SNX8: variants seen among roughly 807,000 people sequenced by gnomAD.
SNX8 encodes sorting nexin-8.
In SNX8, 25 loss-of-function variants were observed where a neutral mutation model predicts 51.6. The ratio of observed to expected loss-of-function variants is 0.48; its 90% CI spans 0.35 to 0.68. The LOEUF is 0.68. Ranked by LOEUF, SNX8 falls within the 30% of genes least tolerant of loss-of-function variation. SNX8 has a pLI of 0.00. For missense variants in SNX8, 695 were observed against 624.0 expected, an observed-to-expected ratio of 1.11 and a Z score of -1.21; for synonymous variants, 324 against 277.0, an observed-to-expected ratio of 1.17 and a Z score of -1.68.
intron 1 of SNX8, among the ~76,000 whole-genome samples, chr7:2,331,957 G>C (rs1203118356): frequency 6.6e-6 from 1 of 151,952 alleles, no homozygotes; most frequent in Admixed American, 6.6e-5. Context: ...TGCAATCCCA[G>C]CACTTTGAGA....
chr7:2,286,866 C>T (rs1191948448), intron 1 of SNX8, among the ~76,000 whole-genome samples: 1 of 151,930 alleles, frequency 6.6e-6, no homozygotes, highest in Non-Finnish European at 1.5e-5. Context: ...TTTGGCCAGG[C>T]GAGGTGGCTC....
At chr7:2,343,172 C>T (rs188304084) in intron 1 of SNX8, among the ~76,000 whole-genome samples, 1 of 151,914 alleles carries the variant, frequency 6.6e-6, no homozygotes, top group Non-Finnish European at 1.5e-5. Context: ...CTCAAATAAT[C>T]CACCCACCTT....
At chr7:2,267,325 C>A (rs1795490441) in intron 5 of SNX8, among the ~76,000 whole-genome samples, 1 of 142,846 alleles carries the variant, frequency 7.0e-6, no homozygotes, top group Non-Finnish European at 1.5e-5. Flanking sequence ...TCCCCCTCCC[C>A]CTCCCCCTCT....
rs751568982 is a variant in SNX8, at chr7:2,264,288, G to A, written c.782+10C>T. ...GCGCGTGCCCCTGCAGAAGCTGAAA[G>A]GTCACCTACCTTAGCTCCTTCCCGA... On this transcript the variant is annotated intron_variant, in intron 6 of 10. Coordinates refer to ENST00000222990, the MANE Select transcript of SNX8 (RefSeq NM_013321.4). The A allele has an allele frequency of 6.2e-7, 1 of 1,603,266 alleles. No homozygotes were observed.
chr7:2,316,944 A>C (rs541998378), upstream of SNX8, among the ~76,000 whole-genome samples: 1 of 152,346 alleles, frequency 6.6e-6, no homozygotes, highest in South Asian at 2.1e-4. Flanking sequence ...GAGGAGGCAC[A>C]GATGGCCAGA....
At chr7:2,349,435 TTTTAA>T (rs775938249) in intron 1 of SNX8, among the ~76,000 whole-genome samples, 6 of 151,962 alleles carry the variant, frequency 3.9e-5, no homozygotes, top group East Asian at 1.9e-4. Flanking sequence ...CCCCCTATAT[TTTTAA>T]TTTAACTTTT....
chr7:2,309,806 T>C (rs993100532), intron 1 of SNX8: 19 of 470,624 alleles, frequency 4.0e-5, no homozygotes, highest in Middle Eastern at 3.2e-4. Flanking sequence ...AGAACAGACC[T>C]GACATGAGCG....
chr7:2,267,010 CG>C (rs1795479533), intron 5 of SNX8, among the ~76,000 whole-genome samples: 1 of 152,204 alleles, frequency 6.6e-6, no homozygotes, highest in Non-Finnish European at 1.5e-5. Context: ...GCAGAGGGCA[CG>C]AGGTGCCTGG....
chr7:2,269,807 G>A (rs958489795), intron 4 of SNX8, among the ~76,000 whole-genome samples, 168 bp from the exon 5 acceptor site: 3 of 152,114 alleles, frequency 2.0e-5, no homozygotes, highest in African/African-American at 7.2e-5. Flanking sequence ...TCCCTTAGAT[G>A]TTTTTCTCAC....
At chr7:2,315,435 C>T (rs1796738319), upstream of SNX8, among the ~76,000 whole-genome samples, 1 of 150,762 alleles carries the variant, frequency 6.6e-6, no homozygotes, top group African/African-American at 2.4e-5. Context: ...CATTCATCCA[C>T]CCACTCACTC....
chr7:2,323,494 A>T (rs12670380), intron 1 of SNX8, among the ~76,000 whole-genome samples: 4 of 151,934 alleles, frequency 2.6e-5, no homozygotes, highest in Admixed American at 6.6e-5. Flanking sequence ...AAAGTCACAA[A>T]GGGGTTCATG....
In SNX8 at chr7:2,314,438, A is replaced by G; in HGVS notation, c.-17T>C. The G allele has an allele frequency of 8.3e-7, 1 of 1,210,116 alleles. No individual in the cohort carries two copies. Among genetic ancestry groups the G allele is most frequent in the Non-Finnish European group, 1.0e-6 (1 of 973,956 alleles). The allele number at this position is 1,210,116 out of a possible 1,614,324, so 75.0% of individuals were successfully genotyped here. ...GCCAGTCATGTGAGCCCGCGCTCCCACGTGACTTCCTCCCGCGCCACCCGG... is the reference window on the plus strand; with the variant it reads ...GCCAGTCATGTGAGCCCGCGCTCCCGCGTGACTTCCTCCCGCGCCACCCGG... On this transcript the variant is annotated 5_prime_UTR_variant, in exon 1 of 11. Coordinates refer to ENST00000222990, the MANE Select transcript of SNX8 (RefSeq NM_013321.4).
intron 10 of SNX8, 139 bp from the exon 11 acceptor site, chr7:2,255,308 A>T: frequency 1.6e-6 from 1 of 607,244 alleles, no homozygotes; most frequent in South Asian, 2.0e-5. Flanking sequence ...CTCTGGCAGA[A>T]CCAGTGCTGC....
chr7:2,342,668 A>C (rs574719868), intron 1 of SNX8, among the ~76,000 whole-genome samples: 2 of 151,642 alleles, frequency 1.3e-5, no homozygotes, highest in East Asian at 3.9e-4. Flanking sequence ...AAAAAAAAAA[A>C]GGATAGAATT....
chr7:2,281,002 A>G (rs1795894050), intron 1 of SNX8, among the ~76,000 whole-genome samples: 1 of 152,170 alleles, frequency 6.6e-6, no homozygotes, highest in South Asian at 2.1e-4. Flanking sequence ...CATGTTGGCC[A>G]GACTGGTCTC....
intron 1 of SNX8, among the ~76,000 whole-genome samples, chr7:2,279,326 C>A (rs535509034): frequency 6.8e-6 from 1 of 146,074 alleles, no homozygotes; most frequent in African/African-American, 2.5e-5. Context: ...ACGGAGTCGA[C>A]GCTGGACTCA....
intron 1 of SNX8, among the ~76,000 whole-genome samples, chr7:2,285,637 C>T (rs996651427): frequency 2.0e-5 from 3 of 152,034 alleles, no homozygotes; most frequent in African/African-American, 4.8e-5. Flanking sequence ...AACTACTGCG[C>T]TAACTGCCAT....
chr7:2,263,171 C>T (rs1795377483), intron 7 of SNX8, 59 bp downstream of exon 7: 3 of 1,573,292 alleles, frequency 1.9e-6, no homozygotes, highest in South Asian at 1.1e-5. Flanking sequence ...GAGGCACTCC[C>T]CATGCAAAGG....
At chr7:2,352,020 G>A (rs181260604) in intron 1 of SNX8, among the ~76,000 whole-genome samples, 43 of 142,638 alleles carry the variant, frequency 3.0e-4, no homozygotes, top group Admixed American at 1.8e-3. Flanking sequence ...TGATTCTCCC[G>A]CCTCAGCCTC....
Sources: gnomAD v4.1 joint callset for allele counts (sites outside exome capture counted in the v4.1 genomes callset) on GRCh38, gnomAD v4.1.1 for gene constraint, MANE v1.5 for transcripts, NCBI Gene and HGNC (gene_info 2026-07-23, HGNC 2026-07-21) for gene names.